CREB1: variants seen among roughly 807,000 people sequenced by gnomAD.
CREB1 encodes the protein cAMP responsive element binding protein 1, also known as cyclic AMP-responsive element-binding protein 1.
In CREB1, 2 loss-of-function variants were observed where a neutral mutation model predicts 42.0. The observed-to-expected ratio is 0.05, with a 90% CI of 0.02 to 0.15. The LOEUF is 0.15. Ranked by LOEUF, CREB1 falls within the 10% of genes least tolerant of loss-of-function variation. CREB1 has a pLI of 1.00. For synonymous variants in CREB1, 123 were observed against 139.9 expected, an observed-to-expected ratio of 0.88 and a Z score of 0.85; for missense variants, 199 against 388.9, an observed-to-expected ratio of 0.51 and a Z score of 4.11.
Position 207,563,032 on chromosome 2 carries a change from C to T in CREB1, c.261+2660C>T, listed in dbSNP as rs76212595. ...AATTGTGTCAGGTTAGGAGAATTAACGAGAGAGATGAATAAAGCCAGGGGA... is the reference window on the plus strand; with the variant it reads ...AATTGTGTCAGGTTAGGAGAATTAATGAGAGAGATGAATAAAGCCAGGGGA... On this transcript the variant is annotated intron_variant, in intron 3 of 7. Coordinates refer to ENST00000353267, the MANE Select transcript of CREB1 (RefSeq NM_004379.5). Among the ~76,000 whole-genome samples, 1,033 of 152,058 alleles carry T rather than the reference C, an allele frequency of 6.8e-3. 10 individuals are homozygous for T. The highest frequency in any genetic ancestry group is 0.023 in the African/African-American group (956 of 41,460).
At chr2:207,545,644 G>A (rs2081274192) in intron 1 of CREB1, among the ~76,000 whole-genome samples, 1 of 152,046 alleles carries the variant, frequency 6.6e-6, no homozygotes, top group Non-Finnish European at 1.5e-5. Flanking sequence ...TGTTTAATGA[G>A]TGATTCTCTA....
intron 4 of CREB1, among the ~76,000 whole-genome samples, chr2:207,568,647 C>T (rs2082232650): frequency 6.6e-6 from 1 of 152,034 alleles, no homozygotes. Context: ...TCATTTTTGA[C>T]AATAGCATAA....
At chr2:207,594,001 CAG>C (rs1314905981) in intron 7 of CREB1, among the ~76,000 whole-genome samples, 13 of 152,080 alleles carry the variant, frequency 8.5e-5, no homozygotes, top group Admixed American at 7.9e-4. Flanking sequence ...CCTGGGATTA[CAG>C]GGGTGAGCCA....
At chr2:207,545,606 C>T (rs1175222728) in intron 1 of CREB1, among the ~76,000 whole-genome samples, 2 of 151,996 alleles carry the variant, frequency 1.3e-5, no homozygotes, top group Admixed American at 6.6e-5. Flanking sequence ...ATGCTGTAGT[C>T]GTTACTACGT....
chr2:207,565,942 C>T (rs574343176), intron 3 of CREB1, among the ~76,000 whole-genome samples: 44 of 152,236 alleles, frequency 2.9e-4, no homozygotes, highest in African/African-American at 9.6e-4. Flanking sequence ...TACTGATTAA[C>T]GTGAAACTTT....
chr2:207,553,261 G>A (rs1020306999), intron 1 of CREB1, among the ~76,000 whole-genome samples: 3 of 150,826 alleles, frequency 2.0e-5, no homozygotes, highest in Non-Finnish European at 4.4e-5. Flanking sequence ...TAGAGATGAG[G>A]TTTCACCATG....
intron 1 of CREB1, among the ~76,000 whole-genome samples, chr2:207,532,323 A>G (rs1309197783): frequency 6.6e-6 from 1 of 151,112 alleles, no homozygotes; most frequent in Non-Finnish European, 1.5e-5. Flanking sequence ...CTCCGTCTCA[A>G]AGAAAAAAAA....
rs998055578 is a variant in CREB1, at chr2:207,601,964, C to T, written c.*4906C>T. 1 of 208,792 alleles carries T rather than the reference C, an allele frequency of 4.8e-6. No homozygotes were observed. The highest frequency in any genetic ancestry group is 5.9e-5 in the Admixed American group (1 of 16,912). 12.9% of individuals were successfully genotyped at this position (208,792 alleles called of 1,614,324 possible). A position where few individuals can be genotyped will look rare whatever the true frequency, so the allele number is the denominator to read the frequency against. On this transcript the variant is annotated 3_prime_UTR_variant, in exon 8 of 8. Coordinates refer to ENST00000353267, the MANE Select transcript of CREB1 (RefSeq NM_004379.5). Reference sequence around the variant, plus strand: ...ACTAGGAACTGGTTTCCTTGACATTCTAGAATCAATGGCTAGGAGAGGCAT... The same window carrying T: ...ACTAGGAACTGGTTTCCTTGACATTTTAGAATCAATGGCTAGGAGAGGCAT...
chr2:207,568,936 G>A (rs144236911), intron 4 of CREB1, among the ~76,000 whole-genome samples: 108 of 151,914 alleles, frequency 7.1e-4, no homozygotes, highest in Middle Eastern at 6.8e-3. Context: ...TCCTTCTGTC[G>A]TTTTCATTTC....
At chr2:207,581,288 T>TA (rs1260399027) in intron 7 of CREB1, 1 of 196,640 alleles carries the variant, frequency 5.1e-6, no homozygotes, top group East Asian at 8.1e-5. Context: ...TGAAAAATTC[T>TA]AAAAAAATTA....
chr2:207,575,775 G>C (rs1299357846), intron 6 of CREB1, among the ~76,000 whole-genome samples: 1 of 152,082 alleles, frequency 6.6e-6, no homozygotes, highest in Non-Finnish European at 1.5e-5. Context: ...TAACTGCATG[G>C]ATCTGCTATG....
chr2:207,577,075 A>T (rs2082626572), intron 6 of CREB1: 3 of 962,580 alleles, frequency 3.1e-6, no homozygotes, highest in Middle Eastern at 5.3e-4. Context: ...TTGCTATTTT[A>T]TGAAAAATCA....
intron 5 of CREB1, among the ~76,000 whole-genome samples, chr2:207,574,516 G>A (rs1318625745): frequency 1.3e-5 from 2 of 152,110 alleles, no homozygotes; most frequent in African/African-American, 4.8e-5. Context: ...AGCAAAAGTT[G>A]ACTGATTTAT....
intron 7 of CREB1, among the ~76,000 whole-genome samples, chr2:207,591,899 A>G (rs2085112394): frequency 6.6e-6 from 1 of 152,178 alleles, no homozygotes; most frequent in Non-Finnish European, 1.5e-5. Flanking sequence ...ACTATGGCAC[A>G]AGTAGAAATT....
chr2:207,537,078 C>T (rs138820161), intron 1 of CREB1, among the ~76,000 whole-genome samples: 3 of 151,006 alleles, frequency 2.0e-5, no homozygotes, highest in East Asian at 3.9e-4. Context: ...GTTGTTGAGA[C>T]GGAGTCTTTC....
chr2:207,573,899 T>C (rs1464217089), intron 5 of CREB1, among the ~76,000 whole-genome samples: 2 of 152,240 alleles, frequency 1.3e-5, no homozygotes, highest in African/African-American at 4.8e-5. Flanking sequence ...ACTCATTAAC[T>C]CTAAATGAGA....
At chr2:207,558,911 G>A (rs1278523349) in intron 2 of CREB1, among the ~76,000 whole-genome samples, 2 of 152,148 alleles carry the variant, frequency 1.3e-5, no homozygotes, top group African/African-American at 2.4e-5. Flanking sequence ...CCAAAGTGCT[G>A]GGATTACAGG....
chr2:207,544,889 A>G (rs943019151), intron 1 of CREB1, among the ~76,000 whole-genome samples: 1 of 152,200 alleles, frequency 6.6e-6, no homozygotes, highest in African/African-American at 2.4e-5. Context: ...TGTTCATGCA[A>G]AGGACATGAT....
At chr2:207,569,716 C>G (rs1457375677) in intron 4 of CREB1, among the ~76,000 whole-genome samples, 1 of 151,590 alleles carries the variant, frequency 6.6e-6, no homozygotes, top group African/African-American at 2.4e-5. Flanking sequence ...AATCCCTGAC[C>G]CATGAAGAGT....
Sources: allele counts gnomAD v4.1 joint callset (sites outside exome capture counted in the v4.1 genomes callset), GRCh38; gene constraint gnomAD v4.1.1; transcripts MANE v1.5; gene names NCBI Gene and HGNC (gene_info 2026-07-23, HGNC 2026-07-21).